Variants in COBLL1 observed in about 807,000 individuals in gnomAD.
COBLL1 encodes the protein cordon-bleu WH2 repeat protein like 1.
In COBLL1, 50 loss-of-function variants were observed where a neutral mutation model predicts 94.8. The observed-to-expected ratio is 0.53, with a 90% CI of 0.42 to 0.67. The LOEUF (loss-of-function observed/expected upper bound fraction) is 0.67. COBLL1 is among the 30% of genes least tolerant of loss of function. COBLL1 has a pLI of 0.00. For missense variants in COBLL1, 1,362 were observed against 1,348.7 expected, an observed-to-expected ratio of 1.01 and a Z score of -0.15; for synonymous variants, 448 against 473.8, an observed-to-expected ratio of 0.95 and a Z score of 0.71.
At chr2:164,838,864 T>C (rs994858281) in intron 2 of COBLL1, among the ~76,000 whole-genome samples, 5 of 152,224 alleles carry the variant, frequency 3.3e-5, no homozygotes, top group South Asian at 2.1e-4. Context: ...CTAACAATTA[T>C]AACATATTAA....
In COBLL1 at chr2:164,684,596, C is replaced by T. The variant is rs1468049192; in HGVS notation, c.*1350G>A. 1 of 152,088 alleles carries T rather than the reference C, an allele frequency of 6.6e-6. No homozygotes were observed. The allele number at this position is 152,088 out of a possible 1,614,324, so 9.4% of individuals were successfully genotyped here. A position where few individuals can be genotyped will look rare whatever the true frequency, so the allele number is the denominator to read the frequency against. On this transcript the variant is annotated 3_prime_UTR_variant, in exon 14 of 14. Coordinates refer to ENST00000652658, the MANE Select transcript of COBLL1 (RefSeq NM_001365672.2). ...AAACATTTTAAATGCTTAGACCATG[C>T]ATTTTGGAGTCAGAATGCCAGGGCT...
At chr2:164,810,919 C>T (rs190278848) in intron 2 of COBLL1, among the ~76,000 whole-genome samples, 2 of 152,038 alleles carry the variant, frequency 1.3e-5, no homozygotes, top group Admixed American at 1.3e-4. Flanking sequence ...TGTTACTCAA[C>T]TGAGGAATAA....
At chr2:164,794,225 A>G (rs1230397761) in intron 2 of COBLL1, among the ~76,000 whole-genome samples, 1 of 152,232 alleles carries the variant, frequency 6.6e-6, no homozygotes, top group Non-Finnish European at 1.5e-5. Flanking sequence ...TCTGATCTGT[A>G]TCCTGGTGAT....
intron 12 of COBLL1, among the ~76,000 whole-genome samples, chr2:164,693,421 C>G (rs988149030): frequency 1.3e-5 from 2 of 152,088 alleles, no homozygotes; most frequent in Non-Finnish European, 2.9e-5. Context: ...ATATTAAATA[C>G]TTCTGGAACT....
intron 7 of COBLL1, among the ~76,000 whole-genome samples, chr2:164,710,815 G>A (rs1684859622): frequency 6.6e-6 from 1 of 151,786 alleles, no homozygotes; most frequent in South Asian, 2.1e-4. Context: ...CACCTGCCTC[G>A]GCCTCCCAAA....
intron 2 of COBLL1, among the ~76,000 whole-genome samples, chr2:164,769,504 A>G (rs888857328): frequency 6.6e-6 from 1 of 152,178 alleles, no homozygotes; most frequent in Non-Finnish European, 1.5e-5. Context: ...AAATAAGAAT[A>G]TATTTTATAT....
chr2:164,768,032 C>T (rs765459980), intron 2 of COBLL1, among the ~76,000 whole-genome samples: 15 of 152,134 alleles, frequency 9.9e-5, no homozygotes, highest in Non-Finnish European at 1.6e-4. Flanking sequence ...CTTATCTGAA[C>T]AAGTCTGTTG....
chr2:164,674,788 T>C (rs1691308086), intron 1 of COBLL1, among the ~76,000 whole-genome samples: 2 of 152,192 alleles, frequency 1.3e-5, no homozygotes, highest in Non-Finnish European at 2.9e-5. Context: ...TTCTAACATC[T>C]CTTTAAACAT....
chr2:164,791,565 T>C (rs1166360794), intron 2 of COBLL1, among the ~76,000 whole-genome samples: 1 of 152,190 alleles, frequency 6.6e-6, no homozygotes, highest in Non-Finnish European at 1.5e-5. Context: ...GTAACCTCCA[T>C]ACCAACTGTC....
At chr2:164,811,309 G>GT (rs775766378) in intron 2 of COBLL1, among the ~76,000 whole-genome samples, 10 of 151,964 alleles carry the variant, frequency 6.6e-5, no homozygotes, top group Non-Finnish European at 1.3e-4. Flanking sequence ...GATTTCAATT[G>GT]TGATAGTGCC....
chr2:164,833,282 A>T (rs1683164255), intron 2 of COBLL1, among the ~76,000 whole-genome samples: 1 of 152,086 alleles, frequency 6.6e-6, no homozygotes, highest in African/African-American at 2.4e-5. Flanking sequence ...TCAGCCCAGA[A>T]GGCAGAGGTT....
chr2:164,834,256 A>G (rs2105388537), intron 2 of COBLL1, among the ~76,000 whole-genome samples: 1 of 152,320 alleles, frequency 6.6e-6, no homozygotes, highest in East Asian at 1.9e-4. Flanking sequence ...CCTTTGGTCC[A>G]TTTCCTCCTA....
At chr2:164,794,877 C>A (rs1377031306) in intron 2 of COBLL1, among the ~76,000 whole-genome samples, 1 of 152,208 alleles carries the variant, frequency 6.6e-6, no homozygotes, top group Middle Eastern at 3.2e-3. Context: ...ATTCACAAAT[C>A]TTTGCCCCAC....
intron 3 of COBLL1, among the ~76,000 whole-genome samples, chr2:164,739,139 G>T (rs1686470227): frequency 6.6e-6 from 1 of 152,106 alleles, no homozygotes; most frequent in Non-Finnish European, 1.5e-5. Context: ...GAGACATGGT[G>T]ACTTTTGGTC....
At chr2:164,690,505 G>C (rs1294344042) in intron 13 of COBLL1, among the ~76,000 whole-genome samples, 3 of 152,208 alleles carry the variant, frequency 2.0e-5, no homozygotes, top group African/African-American at 4.8e-5. Flanking sequence ...TGCCAAGTCA[G>C]GGTCCATAAC....
At chr2:164,813,042 TTTA>T (rs202021608) in intron 2 of COBLL1, among the ~76,000 whole-genome samples, 2,102 of 132,798 alleles carry the variant, frequency 0.016, 44 homozygotes, top group African/African-American at 0.054. Flanking sequence ...CAAATTTTTT[TTTA>T]AAACCACAAC....
At chr2:164,824,158 G>T (rs1685318419) in intron 2 of COBLL1, among the ~76,000 whole-genome samples, 1 of 152,156 alleles carries the variant, frequency 6.6e-6, no homozygotes, top group African/African-American at 2.4e-5. Flanking sequence ...AAGGCTGGTG[G>T]ATCACCTGAG....
chr2:164,778,170 T>A (rs962565252), intron 2 of COBLL1, among the ~76,000 whole-genome samples: 4 of 152,108 alleles, frequency 2.6e-5, no homozygotes, highest in African/African-American at 9.7e-5. Flanking sequence ...TCACTCAACA[T>A]TTACTGAGCC....
At chr2:164,840,514 G>A (rs964447193) in intron 2 of COBLL1, among the ~76,000 whole-genome samples, 5 of 151,512 alleles carry the variant, frequency 3.3e-5, no homozygotes, top group African/African-American at 1.2e-4. Flanking sequence ...CTCACCATGT[G>A]ACAGCCCCCT....
Sources: gnomAD v4.1 joint callset for allele counts (sites outside exome capture counted in the v4.1 genomes callset) on GRCh38, gnomAD v4.1.1 for gene constraint, MANE v1.5 for transcripts, NCBI Gene and HGNC (gene_info 2026-07-23, HGNC 2026-07-21) for gene names.